Variants in CLDN14 observed in about 807,000 individuals in gnomAD.
The protein encoded by CLDN14 is claudin-14.
A neutral mutation model predicts 2.1 loss-of-function variants in CLDN14; 2 were observed. The ratio of observed to expected loss-of-function variants is 0.96; its 90% CI spans 0.39 to 3.01. The LOEUF is 3.01. Ranked by LOEUF, CLDN14 falls within the 30% of genes most tolerant of loss-of-function variation. CLDN14 has a pLI of 0.09. For missense variants in CLDN14, 298 were observed against 328.0 expected (o/e 0.91, Z 0.71); for synonymous variants, 136 against 154.4 (o/e 0.88, Z 0.88).
Position 36,497,875 on chromosome 21 carries a change from C to T in CLDN14, c.-82+12488G>A, listed in dbSNP as rs149138138. On this transcript the variant is annotated intron_variant, in intron 2 of 2. Transcript: ENST00000342108. ...GTGGGGGCACCTGTGGGGACTGCCC[C>T]GTGAGGCTGTGGTTTAATTTCCTTT... Among the ~76,000 whole-genome samples the T allele has an allele frequency of 3.7e-3, 559 of 152,288 alleles. 2 individuals carry two copies. Among genetic ancestry groups the T allele is most frequent in the Middle Eastern group, 6.8e-3 (2 of 294 alleles).
At position 36,551,121 on chromosome 21, in the gene CLDN14, G is replaced by T. The variant is rs1568878762; in HGVS notation, c.-220+25290C>A. 6.6e-6 allele frequency among the ~76,000 whole-genome samples: 1 copy of T among 152,224 alleles called. No homozygotes were observed. Among genetic ancestry groups the T allele is most frequent in the Non-Finnish European group, 1.5e-5 (1 of 68,040 alleles). Reference sequence around the variant, plus strand: ...GGGCACGGAACAGACTCCCCTTGGAGCCTCCAGAAGGAACCAGCCCTTCCT... The same window carrying T: ...GGGCACGGAACAGACTCCCCTTGGATCCTCCAGAAGGAACCAGCCCTTCCT... On this transcript the variant is annotated intron_variant, in intron 1 of 2. Transcript: ENST00000342108. This position sits in a 1 kb window ranked among gnomAD's most constrained non-coding sequence, Gnocchi z 4.8.
chr21:36,531,557 G>T (rs985640284), intron 1 of CLDN14, among the ~76,000 whole-genome samples: 3 of 151,908 alleles, frequency 2.0e-5, no homozygotes, highest in African/African-American at 7.3e-5. Flanking sequence ...GAGCCACTGC[G>T]CCTGGCCTAT....
intron 1 of CLDN14, among the ~76,000 whole-genome samples, chr21:36,536,527 C>T (rs1354317659): frequency 6.6e-6 from 1 of 152,112 alleles, no homozygotes; most frequent in Admixed American, 6.5e-5. Context: ...GTCTAAAGCT[C>T]CATGGGACAA....
At chr21:36,512,262 A>G (rs973218375) in intron 1 of CLDN14, among the ~76,000 whole-genome samples, 1 of 152,196 alleles carries the variant, frequency 6.6e-6, no homozygotes, top group African/African-American at 2.4e-5. Context: ...CTGATGGAAG[A>G]GTGACAAACT....
chr21:36,500,722 G>A (rs527330080), intron 2 of CLDN14, among the ~76,000 whole-genome samples: 4 of 152,302 alleles, frequency 2.6e-5, no homozygotes, highest in South Asian at 2.1e-4. Context: ...GCACGTCACC[G>A]TGCCCGGCTG....
chr21:36,541,818 C>T (rs2087490717), intron 1 of CLDN14, among the ~76,000 whole-genome samples: 1 of 152,110 alleles, frequency 6.6e-6, no homozygotes, highest in Admixed American at 6.5e-5. Flanking sequence ...TTAATAGTGT[C>T]TTTGTGACGA....
intron 1 of CLDN14, among the ~76,000 whole-genome samples, chr21:36,530,895 C>T (rs767244229): frequency 2.6e-5 from 4 of 152,166 alleles, no homozygotes; most frequent in African/African-American, 4.8e-5. Context: ...TGTATTAAAA[C>T]ATAAGTTTGG....
At chr21:36,568,065 G>A (rs1006713520) in intron 1 of CLDN14, among the ~76,000 whole-genome samples, 2 of 152,140 alleles carry the variant, frequency 1.3e-5, no homozygotes, top group African/African-American at 4.8e-5. Flanking sequence ...TCGGAGAAGC[G>A]CTCTGGGATG....
upstream of CLDN14, chr21:36,480,304 AAG>A (rs997871471): frequency 6.6e-6 from 1 of 152,288 alleles, no homozygotes; most frequent in Non-Finnish European, 1.5e-5. Context: ...ACAGTGTGGA[AAG>A]AGGGACAATT....
rs150803504 is a variant in CLDN14 at position 36,519,348 on chromosome 21, G to A, written c.-219-8848C>T. 2.8e-3 allele frequency among the ~76,000 whole-genome samples: 430 copies of A among 152,300 alleles called. 5 individuals carry two copies. The highest frequency in any genetic ancestry group is 1.0e-2 in the African/African-American group (414 of 41,554). On this transcript the variant is annotated intron_variant, in intron 1 of 2. Transcript: ENST00000342108. ...CCAATTGTCCTCACTTTGGGAGGCC[G>A]AAGTGGGTGGATCGCTTGAGGTTAG...
intron 1 of CLDN14, among the ~76,000 whole-genome samples, chr21:36,477,916 G>A (rs2086796961): frequency 1.3e-5 from 2 of 152,202 alleles, no homozygotes; most frequent in South Asian, 4.1e-4. Flanking sequence ...AAGGAGGAAC[G>A]TTTGAGTTTG....
intron 1 of CLDN14, among the ~76,000 whole-genome samples, chr21:36,532,606 A>T (rs1270407317): frequency 6.6e-6 from 1 of 152,062 alleles, no homozygotes; most frequent in African/African-American, 2.4e-5. Flanking sequence ...TAATAATAAA[A>T]TTAAAAAAAA....
chr21:36,548,079 C>T (rs367166), intron 1 of CLDN14, among the ~76,000 whole-genome samples: 126,283 of 151,740 alleles, frequency 0.83, 53,060 homozygotes, highest in Non-Finnish European at 0.9. Flanking sequence ...CTTGGATTCA[C>T]TGCACTCCCC....
intron 1 of CLDN14, among the ~76,000 whole-genome samples, chr21:36,476,534 C>A (rs2086782227): frequency 6.6e-6 from 1 of 151,736 alleles, no homozygotes; most frequent in Non-Finnish European, 1.5e-5. Flanking sequence ...CTCACTGCAA[C>A]CTCCGCCTCC....
At chr21:36,559,278 C>A (rs1157213585) in intron 1 of CLDN14, among the ~76,000 whole-genome samples, 1 of 152,104 alleles carries the variant, frequency 6.6e-6, no homozygotes, top group Non-Finnish European at 1.5e-5. Flanking sequence ...CTCACTGTAA[C>A]CTCCGCCTCC....
At chr21:36,537,174 A>G (rs1220478432) in intron 1 of CLDN14, among the ~76,000 whole-genome samples, 1 of 152,166 alleles carries the variant, frequency 6.6e-6, no homozygotes, top group East Asian at 1.9e-4. Context: ...CTAGGCAACA[A>G]GAGCAAAACT....
At chr21:36,520,555 C>G (rs949962708) in intron 1 of CLDN14, among the ~76,000 whole-genome samples, 1 of 152,184 alleles carries the variant, frequency 6.6e-6, no homozygotes, top group African/African-American at 2.4e-5. Flanking sequence ...GGAAGATGTG[C>G]CTTTCACCTT....
intron 1 of CLDN14, among the ~76,000 whole-genome samples, chr21:36,533,454 T>C (rs556950189): frequency 6.6e-6 from 1 of 152,372 alleles, no homozygotes; most frequent in African/African-American, 2.4e-5. Flanking sequence ...ACTCAGTTTC[T>C]GTGTCCAGCA....
At chr21:36,510,708 T>A (rs546360481) in intron 1 of CLDN14, among the ~76,000 whole-genome samples, 19 of 152,358 alleles carry the variant, frequency 1.2e-4, no homozygotes, top group African/African-American at 4.6e-4. Context: ...GTAATGAAAA[T>A]TCCCCTTGAA....
Sources: gnomAD v4.1 joint callset for allele counts (sites outside exome capture counted in the v4.1 genomes callset) on GRCh38, gnomAD v4.1.1 for gene constraint, Gnocchi (gnomAD v3.1) non-coding constraint, MANE v1.5 for transcripts, NCBI Gene and HGNC (gene_info 2026-07-23, HGNC 2026-07-21) for gene names.